Variants in HEPHL1 observed in about 807,000 individuals in gnomAD.
HEPHL1 encodes ferroxidase HEPHL1.
HEPHL1 carries 123 observed loss-of-function variants against 122.0 expected under a neutral mutation model. That is an observed-to-expected ratio of 1.01 (90% CI 0.87 to 1.17). The LOEUF is 1.17. Among genes scored for constraint, HEPHL1 ranks in the 50% most tolerant of loss-of-function variants. HEPHL1 has a pLI of 0.00. For synonymous variants in HEPHL1, 527 were observed against 508.9 expected (o/e 1.04, Z -0.48); for missense variants, 1,452 against 1,430.5 (o/e 1.01, Z -0.24).
At chr11:94,060,093 TATATATATATATATATATATATATATA>T (rs1945972414) in intron 2 of HEPHL1, among the ~76,000 whole-genome samples, 1 of 135,960 alleles carries the variant, frequency 7.4e-6, no homozygotes. Flanking sequence ...CATATTTTAT[TATATATATATATATATATATATATATA>T]TATATATATA....
intron 13 of HEPHL1, among the ~76,000 whole-genome samples, chr11:94,098,918 TC>T (rs1946343500): frequency 6.6e-6 from 1 of 152,188 alleles, no homozygotes; most frequent in Non-Finnish European, 1.5e-5. Context: ...ATTCATCTAA[TC>T]TTTTTTCAAG....
In HEPHL1 at chr11:94,062,894, T is replaced by C. The variant is rs931652360; in HGVS notation, c.416-614T>C. Among the ~76,000 whole-genome samples, 5 of 152,332 alleles carry C rather than the reference T, an allele frequency of 3.3e-5. No homozygotes were observed. The South Asian group carries it at 8.3e-4, about 25-fold the overall frequency. On this transcript the variant is annotated intron_variant, in intron 2 of 19. Coordinates refer to ENST00000315765, the MANE Select transcript of HEPHL1 (RefSeq NM_001098672.2). ...ACTCTGTGGTGGACCCTCTACCTTG[T>C]ATAGCACAGGCATCCTCTGGGGTAT...
chr11:94,084,503 G>C (rs1245563308), intron 10 of HEPHL1, among the ~76,000 whole-genome samples: 1 of 152,140 alleles, frequency 6.6e-6, no homozygotes, highest in Non-Finnish European at 1.5e-5. Flanking sequence ...GTGGAAGGAA[G>C]ACAGCAACAA....
At chr11:94,097,288 C>A (rs1220154875) in intron 13 of HEPHL1, among the ~76,000 whole-genome samples, 1 of 152,172 alleles carries the variant, frequency 6.6e-6, no homozygotes, top group Non-Finnish European at 1.5e-5. Flanking sequence ...AGTAGTCATT[C>A]AGGAGCAGGT....
chr11:94,037,591 A>AC (rs1207996995), intron 1 of HEPHL1, among the ~76,000 whole-genome samples: 36 of 152,034 alleles, frequency 2.4e-4, no homozygotes, highest in Non-Finnish European at 2.9e-4. Context: ...ACTGGGAGGC[A>AC]CCCCCCCAAC....
chr11:94,096,568 G>T (rs979898196), intron 13 of HEPHL1, among the ~76,000 whole-genome samples: 3 of 152,084 alleles, frequency 2.0e-5, no homozygotes, highest in African/African-American at 7.2e-5. Context: ...TTTTTCTATT[G>T]ATTGGAATAG....
chr11:94,027,566 T>C (rs1459200262), intron 1 of HEPHL1, among the ~76,000 whole-genome samples: 2 of 152,130 alleles, frequency 1.3e-5, no homozygotes, highest in Non-Finnish European at 2.9e-5. Flanking sequence ...CCAGTTGCTG[T>C]GTGTGTGGCT....
chr11:94,090,251 G>T (rs1946255560), intron 12 of HEPHL1, among the ~76,000 whole-genome samples: 1 of 152,046 alleles, frequency 6.6e-6, no homozygotes, highest in African/African-American at 2.4e-5. Flanking sequence ...TGGTACAGTG[G>T]AAAATGAAAT....
intron 1 of HEPHL1, among the ~76,000 whole-genome samples, chr11:94,034,988 G>C (rs16919852): frequency 0.022 from 3,318 of 152,256 alleles, 125 homozygotes; most frequent in African/African-American, 0.076. Flanking sequence ...CACAGATCTG[G>C]TCAAATACAT....
intron 17 of HEPHL1, among the ~76,000 whole-genome samples, chr11:94,107,700 T>A (rs1254293068): frequency 1.3e-5 from 2 of 152,232 alleles, no homozygotes; most frequent in Non-Finnish European, 2.9e-5. Flanking sequence ...TGTATCCATC[T>A]TGTTATGTGT....
chr11:94,094,148 C>T (rs1565360603), intron 13 of HEPHL1, among the ~76,000 whole-genome samples: 2 of 151,432 alleles, frequency 1.3e-5, no homozygotes, highest in African/African-American at 4.9e-5. Context: ...TCCCTCACCC[C>T]TGCCCCTACC....
chr11:94,055,652 T>G (rs1945930430), intron 2 of HEPHL1: 1 of 391,832 alleles, frequency 2.6e-6, no homozygotes, highest in Admixed American at 3.1e-5. Context: ...CCAATGCTGG[T>G]GAAGATGTGA....
intron 1 of HEPHL1, among the ~76,000 whole-genome samples, chr11:94,045,306 T>A (rs767386629): frequency 3.3e-5 from 5 of 152,260 alleles, no homozygotes; most frequent in Non-Finnish European, 7.3e-5. Context: ...GATTACAAAC[T>A]TTTGTACACC....
intron 1 of HEPHL1, among the ~76,000 whole-genome samples, chr11:94,026,696 G>A (rs1035174465): frequency 1.3e-5 from 2 of 152,218 alleles, no homozygotes; most frequent in Non-Finnish European, 2.9e-5. Flanking sequence ...GTCTCTGGGA[G>A]GGAGATCAGG....
At chr11:94,042,833 A>G (rs1187710010) in intron 1 of HEPHL1, among the ~76,000 whole-genome samples, 1 of 137,218 alleles carries the variant, frequency 7.3e-6, no homozygotes. Context: ...TATGTAACTA[A>G]CCTGCACATT....
At chr11:94,067,417 T>TA in intron 4 of HEPHL1, 79 bp from the exon 5 acceptor site, 4 of 1,425,964 alleles carry the variant, frequency 2.8e-6, no homozygotes, top group Non-Finnish European at 3.9e-6. Flanking sequence ...CAGCCATGCT[T>TA]AAGCCCGTAT....
Position 94,106,054 on chromosome 11 carries a change from A to G in HEPHL1, c.2969A>G (p.Asn990Ser), listed in dbSNP as rs1946406025. The G allele has an allele frequency of 6.2e-7, 1 of 1,601,232 alleles. No homozygotes were observed. The highest frequency in any genetic ancestry group is 1.3e-5 in the African/African-American group (1 of 74,814). ...ATAATGAACGAAGATACAATGACAA[A>G]CTGGTATTTGTTAGGGATAGGAAGT... ...GLIMNEDTMT[N>S]WYLLGIGSEV... The change falls in exon 17 of 20, where the codon AAC becomes AGC. Residue 990 changes from asparagine to serine, a missense_variant. Transcript: ENST00000315765.
intron 12 of HEPHL1, 51 bp downstream of exon 12, chr11:94,089,019 G>A (rs1946242588): frequency 6.6e-7 from 1 of 1,516,068 alleles, no homozygotes; most frequent in Non-Finnish European, 9.2e-7. Flanking sequence ...CGCATGCTCC[G>A]TAGGTCTTTA....
intron 2 of HEPHL1, among the ~76,000 whole-genome samples, chr11:94,056,860 T>G (rs1945942410): frequency 6.6e-6 from 1 of 152,202 alleles, no homozygotes; most frequent in South Asian, 2.1e-4. Flanking sequence ...TGCTTTTCAT[T>G]TCTTCCTGTG....
Sources: gnomAD v4.1 joint callset for allele counts (sites outside exome capture counted in the v4.1 genomes callset) on GRCh38, gnomAD v4.1.1 for gene constraint, MANE v1.5 for transcripts, NCBI Gene and HGNC (gene_info 2026-07-23, HGNC 2026-07-21) for gene names.